The following ZFHX3 variants were observed in gnomAD, a reference collection of about 807,000 sequenced individuals.
ZFHX3 encodes zinc finger homeobox protein 3.
ZFHX3 carries 42 observed loss-of-function variants against 279.1 expected under a neutral mutation model. The ratio of observed to expected loss-of-function variants is 0.15; its 90% CI spans 0.12 to 0.19. The LOEUF is 0.19. Ranked by LOEUF, ZFHX3 falls within the 10% of genes least tolerant of loss-of-function variation. ZFHX3 has a pLI of 1.00. For synonymous variants in ZFHX3, 2,293 were observed against 1,957.8 expected (o/e 1.17, Z -4.52); for missense variants, 4,981 against 4,754.0 (o/e 1.05, Z -1.40).
intron 1 of ZFHX3, among the ~76,000 whole-genome samples, chr16:73,780,055 T>C (rs1423153771): frequency 6.9e-6 from 1 of 144,854 alleles, no homozygotes; most frequent in Non-Finnish European, 1.5e-5. Context: ...ATGACTGAGA[T>C]AGCTTCTGCC....
At chr16:73,536,753 C>T (rs753155494) in intron 2 of ZFHX3, among the ~76,000 whole-genome samples, 10 of 152,136 alleles carry the variant, frequency 6.6e-5, no homozygotes, top group Non-Finnish European at 1.0e-4. Flanking sequence ...CTCACTCCTG[C>T]GTAGCCCACG....
chr16:72,801,505 G>C (rs912509927), intron 7 of ZFHX3, among the ~76,000 whole-genome samples: 1 of 152,128 alleles, frequency 6.6e-6, no homozygotes, highest in African/African-American at 2.4e-5. Flanking sequence ...CATCAACATA[G>C]GATAACTCCT....
intron 4 of ZFHX3, among the ~76,000 whole-genome samples, chr16:72,874,423 C>T (rs1229891229): frequency 2.0e-5 from 3 of 151,774 alleles, no homozygotes; most frequent in African/African-American, 4.8e-5. Flanking sequence ...AGTCAGGATG[C>T]GATCTCCTGA....
rs988416828 is a variant in ZFHX3, at chr16:72,783,044, G to C, written c.*4120C>G. ...TTTTTCAGTTTGAAAGTTCCATGTGGTTCTGTTTGTTAGTCTCCATGTATT... is the reference window on the plus strand; with the variant it reads ...TTTTTCAGTTTGAAAGTTCCATGTGCTTCTGTTTGTTAGTCTCCATGTATT... On this transcript the variant is annotated 3_prime_UTR_variant, in exon 10 of 10. Coordinates refer to ENST00000268489, the MANE Select transcript of ZFHX3 (RefSeq NM_006885.4). 27 of 152,310 alleles carry C rather than the reference G, an allele frequency of 1.8e-4. No homozygotes were observed. Among genetic ancestry groups the C allele is most frequent in the African/African-American group, 6.5e-4 (27 of 41,308 alleles). The allele number at this position is 152,310 out of a possible 1,614,324, so 9.4% of individuals were successfully genotyped here.
chr16:73,171,697 C>T, intron 5 of ZFHX3, among the ~76,000 whole-genome samples: 1 of 152,100 alleles, frequency 6.6e-6, no homozygotes, highest in Non-Finnish European at 1.5e-5. Flanking sequence ...AAGCAGTTCT[C>T]GACATCTGCA....
chr16:72,844,872 C>A (rs893099771), intron 4 of ZFHX3, among the ~76,000 whole-genome samples: 1 of 152,224 alleles, frequency 6.6e-6, no homozygotes, highest in Admixed American at 6.5e-5. Context: ...CCGCCCCCTC[C>A]CCTTCCTCAT....
At chr16:73,131,613 G>C (rs1370738954) in intron 6 of ZFHX3, among the ~76,000 whole-genome samples, 2 of 152,134 alleles carry the variant, frequency 1.3e-5, no homozygotes, top group African/African-American at 4.8e-5. Context: ...GGGTGGGAGG[G>C]ATATCCAGAG....
chr16:73,855,044 T>C (rs1252533357), intron 1 of ZFHX3, among the ~76,000 whole-genome samples: 1 of 152,156 alleles, frequency 6.6e-6, no homozygotes, highest in African/African-American at 2.4e-5. Flanking sequence ...GAGGAGGTAC[T>C]GGTGTTTCTA....
intron 3 of ZFHX3, among the ~76,000 whole-genome samples, chr16:73,372,095 T>C (rs1025483340): frequency 1.3e-5 from 2 of 152,364 alleles, no homozygotes; most frequent in Middle Eastern, 3.4e-3. Context: ...CATTTTATAC[T>C]CAGCAGTCTT....
intron 1 of ZFHX3, among the ~76,000 whole-genome samples, chr16:73,741,567 C>T (rs566637108): frequency 6.6e-6 from 1 of 152,294 alleles, no homozygotes; most frequent in Non-Finnish European, 1.5e-5. Context: ...CAGCTCTGGG[C>T]AGCCAGGAAG....
intron 2 of ZFHX3, among the ~76,000 whole-genome samples, chr16:73,481,328 C>CA (rs71374570): frequency 0.28 from 38,334 of 138,732 alleles, 6,137 homozygotes; most frequent in Non-Finnish European, 0.39. Context: ...GACTCCATCT[C>CA]AAAAAAAAAA....
intron 3 of ZFHX3, among the ~76,000 whole-genome samples, chr16:73,322,317 G>A (rs747183243): frequency 6.6e-5 from 10 of 151,652 alleles, no homozygotes; most frequent in South Asian, 2.1e-4. Context: ...CTTTTCACAC[G>A]TTTAATGGCG....
rs1268927314 is a variant in ZFHX3 at position 73,192,085 on chromosome 16, G to C, written c.-1103-48254C>G. The stretch of plus-strand genomic sequence containing the variant: ...GTTGCTTTTCTTCTTATTCCGAGGG[G>C]ATCTGGGGACAGAGGGGTGCCTTCC... On this transcript the variant is annotated intron_variant, in intron 5 of 17. Coordinates refer to the ZFHX3 transcript ENST00000641206. Among the ~76,000 whole-genome samples, 4 of 152,104 alleles carry C rather than the reference G, an allele frequency of 2.6e-5. No homozygotes were observed. In the East Asian group the frequency reaches 7.7e-4, roughly 29 times the overall value.
intron 5 of ZFHX3, among the ~76,000 whole-genome samples, chr16:73,191,402 G>C (rs763820744): frequency 6.6e-6 from 1 of 152,086 alleles, no homozygotes; most frequent in Non-Finnish European, 1.5e-5. Flanking sequence ...GTCTTGCAAA[G>C]CCCCTTCCAA....
At chr16:73,768,884 G>A (rs1410454681) in intron 1 of ZFHX3, among the ~76,000 whole-genome samples, 25 of 152,156 alleles carry the variant, frequency 1.6e-4, no homozygotes, top group Admixed American at 1.6e-3. Context: ...TATTCCAGCT[G>A]AGGGAAAGGA....
At chr16:73,890,462 G>C (rs2030497524) in intron 1 of ZFHX3, among the ~76,000 whole-genome samples, 2 of 152,132 alleles carry the variant, frequency 1.3e-5, no homozygotes, top group Admixed American at 1.3e-4. Flanking sequence ...AGATAACACT[G>C]AATGTCAGAG....
chr16:72,786,997 G>C lies in ZFHX3; in HGVS notation c.*167C>G, dbSNP rs1255781977. ...ACAAGAATGTAAAATCACCGGCATA[G>C]ATAGGTATATGGGAAAACAACCCAC... On this transcript the variant is annotated 3_prime_UTR_variant, in exon 10 of 10. Transcript: ENST00000268489. 1.9e-6 allele frequency: 1 copy of C among 530,150 alleles called. No individual in the cohort carries two copies. Among genetic ancestry groups the C allele is most frequent in the Non-Finnish European group, 2.8e-6 (1 of 362,266 alleles). The allele number at this position is 530,150 out of a possible 1,614,324, so 32.8% of individuals were successfully genotyped here.
chr16:73,352,963 T>A (rs568568409), intron 3 of ZFHX3, among the ~76,000 whole-genome samples: 1 of 152,096 alleles, frequency 6.6e-6, no homozygotes, highest in Non-Finnish European at 1.5e-5. Flanking sequence ...AGAAGCCTCA[T>A]GGTCCAGGGG....
At chr16:73,363,499 T>A (rs1350655266) in intron 3 of ZFHX3, among the ~76,000 whole-genome samples, 2 of 152,158 alleles carry the variant, frequency 1.3e-5, no homozygotes, top group Non-Finnish European at 2.9e-5. Flanking sequence ...TCAACGTAGA[T>A]TTGTTGAGTA....
Sources: gnomAD v4.1 joint callset for allele counts (sites outside exome capture counted in the v4.1 genomes callset) on GRCh38, gnomAD v4.1.1 for gene constraint, MANE v1.5 for transcripts, NCBI Gene and HGNC (gene_info 2026-07-23, HGNC 2026-07-21) for gene names.